Variants in SMAD5 observed in about 807,000 individuals in gnomAD.
The protein encoded by SMAD5 is SMAD family member 5.
Under a neutral mutation model 43.1 loss-of-function variants are expected in SMAD5, and 9 were observed. The observed-to-expected ratio is 0.21, with a 90% CI of 0.13 to 0.36. The LOEUF (loss-of-function observed/expected upper bound fraction) is 0.36, where lower values mean the gene tolerates loss of function less well. Among genes scored for constraint, SMAD5 ranks in the 10% least tolerant of loss-of-function variants. The probability of loss-of-function intolerance (pLI) is 1.00; values close to 1 mark genes in which losing one functional copy is unlikely to be tolerated. For synonymous variants in SMAD5, 190 were observed against 192.4 expected (o/e 0.99, Z 0.10); for missense variants, 348 against 574.0 (o/e 0.61, Z 4.02).
intron 2 of SMAD5, among the ~76,000 whole-genome samples, chr5:136,148,972 C>T (rs532888537): frequency 2.6e-5 from 4 of 151,866 alleles, no homozygotes; most frequent in Admixed American, 2.6e-4. Flanking sequence ...GGTATACATC[C>T]ATGTCATCAT....
At chr5:136,175,189 CA>C (rs1754371199) in intron 7 of SMAD5, among the ~76,000 whole-genome samples, 1 of 152,158 alleles carries the variant, frequency 6.6e-6, no homozygotes. Flanking sequence ...AAACTGCCCC[CA>C]TGATTCAGTT....
At chr5:136,157,821 G>A (rs1163965443) in intron 3 of SMAD5, among the ~76,000 whole-genome samples, 1 of 152,074 alleles carries the variant, frequency 6.6e-6, no homozygotes, top group Non-Finnish European at 1.5e-5. Context: ...AGCATGAACT[G>A]GGGGGGTTAG....
chr5:136,145,463 G>A (rs539667004), intron 1 of SMAD5, among the ~76,000 whole-genome samples: 1 of 152,014 alleles, frequency 6.6e-6, no homozygotes, highest in African/African-American at 2.4e-5. Context: ...TTACATTCTT[G>A]ATGGCAGAAG....
intron 1 of SMAD5, among the ~76,000 whole-genome samples, chr5:136,144,055 A>G (rs145902872): frequency 1.6e-3 from 240 of 152,202 alleles, no homozygotes; most frequent in African/African-American, 5.6e-3. Context: ...TAATGGGTTC[A>G]TTATCTGAGT....
chr5:136,169,135 A>G (rs900364158), intron 5 of SMAD5, among the ~76,000 whole-genome samples: 2 of 152,206 alleles, frequency 1.3e-5, no homozygotes, highest in South Asian at 2.1e-4. Flanking sequence ...CAAAGGCTCA[A>G]GAGCCCCTGG....
intron 3 of SMAD5, 117 bp downstream of exon 3, chr5:136,154,280 T>A: frequency 1.5e-6 from 1 of 647,300 alleles, no homozygotes; most frequent in Non-Finnish European, 2.4e-6. Context: ...GTTTCCATCT[T>A]AAATATTCTA....
rs1436886217 is a variant in SMAD5, at chr5:136,178,080, A to G, written c.*600A>G. 1.3e-5 allele frequency: 2 copies of G among 152,790 alleles called. No homozygotes were observed. Among genetic ancestry groups the G allele is most frequent in the African/African-American group, 2.4e-5 (1 of 41,588 alleles). 9.5% of individuals were successfully genotyped at this position (152,790 alleles called of 1,614,324 possible). A position where few individuals can be genotyped will look rare whatever the true frequency, so the allele number is the denominator to read the frequency against. On this transcript the variant is annotated 3_prime_UTR_variant, in exon 8 of 8. Coordinates refer to ENST00000545279, the MANE Select transcript of SMAD5 (RefSeq NM_005903.7). ...GTTTTCTAGATGACATAAAATTTAC[A>G]TTTAATACAGATAAGTGTTCTTCAG...
chr5:136,153,579 C>G lies in SMAD5; in HGVS notation c.-169-13C>G. 1 of 533,170 alleles carries G rather than the reference C, an allele frequency of 1.9e-6. No homozygotes were observed. The allele number at this position is 533,170 out of a possible 1,614,324, so 33.0% of individuals were successfully genotyped here. ...TGATTTAAACTAGGATCCTTTCCCC[C>G]TTTCTCTTTCAGGACTTGACCCAAT... On this transcript the variant is annotated splice_polypyrimidine_tract_variant and intron_variant, in intron 2 of 7. Coordinates refer to ENST00000545279, the MANE Select transcript of SMAD5 (RefSeq NM_005903.7).
rs1051577918 is a variant in SMAD5, at chr5:136,182,507, C to T, written c.*5027C>T. Reference sequence around the variant, plus strand: ...ATATTTCATATACAGATAATGAAGACCAAGCTAGTGGCTGCACTGTAGGTC... The same window carrying T: ...ATATTTCATATACAGATAATGAAGATCAAGCTAGTGGCTGCACTGTAGGTC... On this transcript the variant is annotated 3_prime_UTR_variant, in exon 8 of 8. Coordinates refer to ENST00000545279, the MANE Select transcript of SMAD5 (RefSeq NM_005903.7). 4 of 152,568 alleles carry T rather than the reference C, an allele frequency of 2.6e-5. No homozygotes were observed. The highest frequency in any genetic ancestry group is 4.1e-4 in the South Asian group (2 of 4,834). 9.5% of individuals were successfully genotyped at this position (152,568 alleles called of 1,614,324 possible).
Position 136,148,128 on chromosome 5 carries a change from C to A in SMAD5, c.-170+222C>A, listed in dbSNP as rs181441812. Among the ~76,000 whole-genome samples, 7 of 151,802 alleles carry A rather than the reference C, an allele frequency of 4.6e-5. No homozygotes were observed. The South Asian group carries it at 6.2e-4, about 13-fold the overall frequency. ...TTAGCTTATAGTAACTGTAAACATG[C>A]ATGAATTGTTATAATGAACAAATAA... On this transcript the variant is annotated intron_variant, in intron 2 of 7. Transcript: ENST00000545279.
At chr5:136,171,925 A>G (rs1754234712) in intron 5 of SMAD5, among the ~76,000 whole-genome samples, 2 of 152,342 alleles carry the variant, frequency 1.3e-5, no homozygotes, top group South Asian at 4.1e-4. Flanking sequence ...GAAGATGGAA[A>G]TAATTAGGCT....
intron 5 of SMAD5, among the ~76,000 whole-genome samples, chr5:136,167,764 C>T (rs942702556): frequency 1.4e-5 from 2 of 141,690 alleles, no homozygotes; most frequent in East Asian, 2.0e-4. Context: ...GATGACAGAG[C>T]GAGATTCCAT....
At position 136,180,088 on chromosome 5, in the gene SMAD5, C is replaced by T. The variant is rs955302961; in HGVS notation, c.*2608C>T. 7.2e-5 allele frequency: 11 copies of T among 152,108 alleles called. No homozygotes were observed. Among genetic ancestry groups the T allele is most frequent in the African/African-American group, 2.7e-4 (11 of 41,432 alleles). The allele number at this position is 152,108 out of a possible 1,614,324, so 9.4% of individuals were successfully genotyped here. On this transcript the variant is annotated 3_prime_UTR_variant, in exon 8 of 8. Transcript: ENST00000545279. Reference sequence around the variant, plus strand: ...GAGAACTATAAGCCTGTTGTATCTCCTAAAAGTTGTCAACTCCCCACCCTT... The same window carrying T: ...GAGAACTATAAGCCTGTTGTATCTCTTAAAAGTTGTCAACTCCCCACCCTT...
In SMAD5 at chr5:136,154,092, A is replaced by T; in HGVS notation, c.332A>T (p.Glu111Val). ...GAGCTAAAGCCGTTGGATATTTGTG[A>T]ATTTCCTTTTGGATCTAAGCAAAAA... ...HHELKPLDIC[E>V]FPFGSKQKEV... Residue 111 changes from glutamate to valine, a missense_variant, in exon 3 of 8, where the codon GAA (glutamate) becomes GTA (valine). This residue lies in a region of SMAD5 where 27 missense variants were observed against 53.9 expected (regional missense o/e 0.50). Coordinates refer to ENST00000545279, the MANE Select transcript of SMAD5 (RefSeq NM_005903.7). The T allele has an allele frequency of 6.3e-7, 1 of 1,595,904 alleles. No homozygotes were observed. The highest frequency in any genetic ancestry group is 8.5e-7 in the Non-Finnish European group (1 of 1,170,802).
chr5:136,157,061 A>G (rs1157624155), intron 3 of SMAD5, among the ~76,000 whole-genome samples: 2 of 152,188 alleles, frequency 1.3e-5, no homozygotes, highest in Admixed American at 6.5e-5. Flanking sequence ...AGTGATAGCA[A>G]TTAATATTTA....
chr5:136,145,393 A>G (rs1753226045), intron 1 of SMAD5, among the ~76,000 whole-genome samples: 1 of 152,030 alleles, frequency 6.6e-6, no homozygotes, highest in African/African-American at 2.4e-5. Context: ...CAAAATTTGC[A>G]GGATGGTTGT....
chr5:136,134,435 A>T (rs566852802), intron 1 of SMAD5: 1 of 152,260 alleles, frequency 6.6e-6, no homozygotes, highest in South Asian at 2.1e-4. Context: ...CAAATAGCTT[A>T]CAATTTCTGC....
Position 136,170,618 on chromosome 5 carries a change from T to C in SMAD5, c.776-1816T>C, listed in dbSNP as rs140249644. On this transcript the variant is annotated intron_variant, in intron 5 of 7. Transcript: ENST00000545279. ...AATCATTTTGTCTATATCCAAAAAA[T>C]AGCTTGCAGGGATTTTGATTGGCAT... Among the ~76,000 whole-genome samples the C allele has an allele frequency of 5.3e-3, 801 of 152,270 alleles. 9 individuals carry two copies. Among genetic ancestry groups the C allele is most frequent in the African/African-American group, 0.018 (759 of 41,564 alleles).
intron 6 of SMAD5, chr5:136,172,966 G>A: frequency 6.1e-6 from 2 of 326,068 alleles, no homozygotes; most frequent in Non-Finnish European, 1.1e-5. Flanking sequence ...ATCCCCAGTA[G>A]CTAGAAGAGT....
Sources: allele counts gnomAD v4.1 joint callset (sites outside exome capture counted in the v4.1 genomes callset), GRCh38; gene constraint gnomAD v4.1.1; regional missense constraint gnomAD v4.1.1; transcripts MANE v1.5; gene names NCBI Gene and HGNC (gene_info 2026-07-23, HGNC 2026-07-21).